The following SGCD variants were observed in gnomAD, a reference collection of about 807,000 sequenced individuals.
SGCD encodes the protein sarcoglycan delta.
Under a neutral mutation model 36.6 loss-of-function variants are expected in SGCD, and 18 were observed. The observed-to-expected ratio is 0.49, with a 90% CI of 0.34 to 0.73. The LOEUF is 0.73. SGCD is among the 30% of genes least tolerant of loss of function. The pLI is 0.01. For synonymous variants in SGCD, 133 were observed against 130.6 expected (o/e 1.02, Z -0.12); for missense variants, 387 against 346.7 (o/e 1.12, Z -0.92).
chr5:156,110,673 C>G (rs1220288211), intron 1 of SGCD, among the ~76,000 whole-genome samples: 1 of 151,840 alleles, frequency 6.6e-6, no homozygotes, highest in African/African-American at 2.4e-5. Context: ...AAAAAAAACT[C>G]TCTTTCCCAT....
At chr5:156,740,009 G>A (rs1756587433) in intron 7 of SGCD, among the ~76,000 whole-genome samples, 1 of 152,202 alleles carries the variant, frequency 6.6e-6, no homozygotes, top group African/African-American at 2.4e-5. Context: ...CTAGGCCTCT[G>A]CAGTTCCTTT....
intron 3 of SGCD, among the ~76,000 whole-genome samples, chr5:156,265,196 ACTT>A (rs1232422850): frequency 6.6e-6 from 1 of 152,060 alleles, no homozygotes; most frequent in African/African-American, 2.4e-5. Flanking sequence ...GGATTTCTTT[ACTT>A]CTTTGGAACA....
At chr5:156,217,664 C>T (rs1247285074) in intron 3 of SGCD, among the ~76,000 whole-genome samples, 2 of 152,104 alleles carry the variant, frequency 1.3e-5, no homozygotes, top group African/African-American at 4.8e-5. Flanking sequence ...CTTTTGAACT[C>T]TACAACAATT....
the SGCD span, among the ~76,000 whole-genome samples, chr5:155,784,592 T>C: frequency 8.6e-5 from 13 of 150,614 alleles, no homozygotes; most frequent in African/African-American, 3.2e-4. Context: ...TGGTAGTGTT[T>C]CCATGGGGCT....
intron 3 of SGCD, among the ~76,000 whole-genome samples, chr5:156,433,033 T>C (rs1753091674): frequency 6.6e-6 from 1 of 152,178 alleles, no homozygotes; most frequent in African/African-American, 2.4e-5. Context: ...CACTCAAAAT[T>C]ATATCACAGA....
chr5:156,708,279 TAAAAA>T (rs35320814), intron 7 of SGCD, among the ~76,000 whole-genome samples: 28,302 of 148,890 alleles, frequency 0.19, 3,263 homozygotes, highest in Non-Finnish European at 0.27. Context: ...AGCATTCTAT[TAAAAA>T]AAAAAAAAAA....
chr5:156,241,255 T>C (rs1765298488), intron 3 of SGCD, among the ~76,000 whole-genome samples: 2 of 143,738 alleles, frequency 1.4e-5, no homozygotes, highest in Admixed American at 1.4e-4. Flanking sequence ...CCAAAACGTG[T>C]GTGTGTGTGT....
At chr5:156,508,956 AT>A in intron 4 of SGCD, among the ~76,000 whole-genome samples, 1 of 152,236 alleles carries the variant, frequency 6.6e-6, no homozygotes, top group Admixed American at 6.5e-5. Flanking sequence ...TGTGCCACAA[AT>A]AAGGCAAAAC....
At chr5:156,709,980 G>T (rs187308513) in intron 7 of SGCD, among the ~76,000 whole-genome samples, 1 of 152,182 alleles carries the variant, frequency 6.6e-6, no homozygotes, top group East Asian at 1.9e-4. Context: ...AAAGCACCGA[G>T]AAAGAGACCA....
chr5:155,997,854 C>T (rs1758585067), intron 1 of SGCD, among the ~76,000 whole-genome samples: 3 of 152,252 alleles, frequency 2.0e-5, no homozygotes. Context: ...TTTTTAAAAA[C>T]TGTCAACTTG....
intron 3 of SGCD, among the ~76,000 whole-genome samples, chr5:156,124,938 T>A (rs572271060): frequency 2.3e-4 from 35 of 152,160 alleles, no homozygotes; most frequent in African/African-American, 8.4e-4. Flanking sequence ...AGTAAAAAGA[T>A]TTTCTAAGAC....
chr5:155,855,164 T>C, the SGCD span, among the ~76,000 whole-genome samples: 1 of 152,170 alleles, frequency 6.6e-6, no homozygotes, highest in Non-Finnish European at 1.5e-5. Flanking sequence ...TGTTAGGGAC[T>C]GCCCTGCCCA....
intron 7 of SGCD, among the ~76,000 whole-genome samples, chr5:156,690,615 A>G (rs933211617): frequency 6.6e-6 from 1 of 151,918 alleles, no homozygotes; most frequent in African/African-American, 2.4e-5. Context: ...CCATAATAAT[A>G]AAAGTTATTG....
chr5:155,921,435 A>G (rs1210592450), intron 1 of SGCD, among the ~76,000 whole-genome samples: 1 of 151,940 alleles, frequency 6.6e-6, no homozygotes, highest in Non-Finnish European at 1.5e-5. Context: ...AGGATGGAAG[A>G]TGTTTTGCCT....
the SGCD span, among the ~76,000 whole-genome samples, chr5:155,792,489 T>C: frequency 7.3e-6 from 1 of 136,840 alleles, no homozygotes; most frequent in African/African-American, 2.7e-5. Context: ...TGGGAGAAAC[T>C]ATTCACCAAG....
At chr5:156,186,583 G>A (rs1763767989) in intron 3 of SGCD, among the ~76,000 whole-genome samples, 1 of 152,120 alleles carries the variant, frequency 6.6e-6, no homozygotes, top group African/African-American at 2.4e-5. Context: ...GGCATTCTCT[G>A]CTTAGCTGCT....
intron 7 of SGCD, among the ~76,000 whole-genome samples, chr5:156,733,736 T>C (rs185232023): frequency 4.5e-4 from 68 of 152,314 alleles, no homozygotes; most frequent in Admixed American, 2.5e-3. Context: ...TACCATTATG[T>C]AATGCCCTTC....
At chr5:155,968,384 C>A (rs1333278677) in intron 1 of SGCD, among the ~76,000 whole-genome samples, 1 of 152,038 alleles carries the variant, frequency 6.6e-6, no homozygotes, top group Non-Finnish European at 1.5e-5. Flanking sequence ...TAAATACAGT[C>A]ATCTCCCGTT....
chr5:156,105,839 G>A (rs1003819021), intron 1 of SGCD, among the ~76,000 whole-genome samples: 2 of 152,034 alleles, frequency 1.3e-5, no homozygotes, highest in Admixed American at 6.6e-5. Context: ...GAGGCTGGTT[G>A]CGGTGGATCA....
Sources: gnomAD v4.1 joint callset for allele counts (sites outside exome capture counted in the v4.1 genomes callset) on GRCh38, gnomAD v4.1.1 for gene constraint, MANE v1.5 for transcripts, NCBI Gene and HGNC (gene_info 2026-07-23, HGNC 2026-07-21) for gene names.